THEMIS: variants seen among roughly 807,000 people sequenced by gnomAD.
THEMIS encodes the protein thymocyte selection associated.
Under a neutral mutation model 52.6 loss-of-function variants are expected in THEMIS, and 37 were observed. The observed-to-expected ratio is 0.70, with a 90% CI of 0.54 to 0.93. THEMIS has a LOEUF of 0.93. Among genes scored for constraint, THEMIS ranks in the 40% least tolerant of loss-of-function variants. The probability of loss-of-function intolerance (pLI) is 0.00; values close to 1 mark genes in which losing one functional copy is unlikely to be tolerated. For synonymous variants in THEMIS, 292 were observed against 272.7 expected (o/e 1.07, Z -0.70); for missense variants, 808 against 763.1 (o/e 1.06, Z -0.69).
the THEMIS span, among the ~76,000 whole-genome samples, chr6:127,697,806 G>T: frequency 2.0e-5 from 3 of 152,026 alleles, no homozygotes; most frequent in Admixed American, 6.6e-5. Context: ...GCCACTTCTA[G>T]AGCCCCTTTC....
At position 127,758,296 on chromosome 6, in the gene THEMIS, T is replaced by G. The variant is rs548996405; in HGVS notation, c.1759-38473A>C. Among the ~76,000 whole-genome samples the G allele has an allele frequency of 3.3e-4, 49 of 150,534 alleles. No individual in the cohort carries two copies. The South Asian group carries it at 8.3e-3, about 26-fold the overall frequency. On this transcript the variant is annotated intron_variant, in intron 4 of 5. Transcript: ENST00000368248. ...CCCAAAAGAGGAAATACATAATCAATTTCTACACTTAAACCCACAAACGGA... is the reference window on the plus strand; with the variant it reads ...CCCAAAAGAGGAAATACATAATCAAGTTCTACACTTAAACCCACAAACGGA...
At chr6:127,750,747 G>A (rs1328891640) in intron 4 of THEMIS, among the ~76,000 whole-genome samples, 1 of 151,758 alleles carries the variant, frequency 6.6e-6, no homozygotes, top group East Asian at 1.9e-4. Context: ...GAAAATCCTT[G>A]TGACATATAA....
At chr6:127,901,793 T>C (rs567911999), upstream of THEMIS, among the ~76,000 whole-genome samples, 1 of 152,184 alleles carries the variant, frequency 6.6e-6, no homozygotes. Flanking sequence ...GGAGATGAAG[T>C]AGAAGAGTCC....
rs151204295 is a variant in THEMIS, at chr6:127,734,200, T to C, written c.1759-14377A>G. 1.6e-3 allele frequency among the ~76,000 whole-genome samples: 249 copies of C among 152,338 alleles called. 2 individuals carry two copies. Among genetic ancestry groups the C allele is most frequent in the African/African-American group, 5.8e-3 (242 of 41,594 alleles). On this transcript the variant is annotated intron_variant, in intron 4 of 5. Coordinates refer to ENST00000368248, the MANE Select transcript of THEMIS (RefSeq NM_001010923.3). ...ATTATGTAGATCCTGATTGAGACTGTAAGAAAACATTTATGAGACAACCAT... is the reference window on the plus strand; with the variant it reads ...ATTATGTAGATCCTGATTGAGACTGCAAGAAAACATTTATGAGACAACCAT...
intron 4 of THEMIS, among the ~76,000 whole-genome samples, chr6:127,735,319 G>A (rs753840980): frequency 2.1e-5 from 3 of 144,454 alleles, no homozygotes; most frequent in South Asian, 4.2e-4. Flanking sequence ...GCGTGTGTGC[G>A]TGTGTGTGTG....
chr6:127,836,140 C>T (rs1253365484), intron 2 of THEMIS, among the ~76,000 whole-genome samples: 1 of 151,956 alleles, frequency 6.6e-6, no homozygotes, highest in Non-Finnish European at 1.5e-5. Flanking sequence ...GAGGACTATA[C>T]CCTCCCTCTA....
At position 127,710,034 on chromosome 6, in the gene THEMIS, AG is replaced by A; in HGVS notation, c.1895-19del. ...GAATGTTTCTATAAATAAAAAAAGA[AG>A]GGTTTATCAGAAATAAGTATTGAAA... On this transcript the variant is annotated intron_variant, in intron 5 of 5. Coordinates refer to ENST00000368248, the MANE Select transcript of THEMIS (RefSeq NM_001010923.3). 1 of 1,521,834 alleles carries A rather than the reference AG, an allele frequency of 6.6e-7. No homozygotes were observed. Among genetic ancestry groups the A allele is most frequent in the East Asian group, 2.3e-5 (1 of 43,310 alleles). 94.3% of individuals were successfully genotyped at this position (1,521,834 alleles called of 1,614,324 possible).
chr6:127,842,130 G>A (rs997810431), intron 2 of THEMIS, among the ~76,000 whole-genome samples: 3 of 151,874 alleles, frequency 2.0e-5, no homozygotes, highest in Non-Finnish European at 1.5e-5. Context: ...GCTAGCAAAT[G>A]TATATATTTT....
chr6:127,722,028 A>T (rs1274657683), intron 4 of THEMIS, among the ~76,000 whole-genome samples: 1 of 152,064 alleles, frequency 6.6e-6, no homozygotes, highest in Non-Finnish European at 1.5e-5. Flanking sequence ...AACCTGAGAG[A>T]GAAAATAGCC....
chr6:127,755,883 C>T (rs146193117), intron 4 of THEMIS, among the ~76,000 whole-genome samples: 1,952 of 151,742 alleles, frequency 0.013, 165 homozygotes, highest in Admixed American at 0.11. Context: ...AAAAATTAGC[C>T]CAGCATGGTG....
chr6:127,911,808 T>C (rs563398185), intron 1 of THEMIS, among the ~76,000 whole-genome samples: 1 of 151,462 alleles, frequency 6.6e-6, no homozygotes, highest in Non-Finnish European at 1.5e-5. Flanking sequence ...GCTAGGGCAG[T>C]GCAGAAGGGA....
chr6:127,746,416 C>G (rs80245036), intron 4 of THEMIS, among the ~76,000 whole-genome samples: 10,514 of 151,398 alleles, frequency 0.069, 371 homozygotes, highest in Non-Finnish European at 0.085. Flanking sequence ...CCTATAGTAT[C>G]TAGCACAGTG....
chr6:127,698,732 T>C, the THEMIS span, among the ~76,000 whole-genome samples: 1 of 151,960 alleles, frequency 6.6e-6, no homozygotes, highest in Non-Finnish European at 1.5e-5. Context: ...AAATTCCTAA[T>C]GGGTAGAAGT....
At chr6:127,827,779 T>G (rs370097893) in intron 3 of THEMIS, among the ~76,000 whole-genome samples, 71 of 152,236 alleles carry the variant, frequency 4.7e-4, no homozygotes, top group African/African-American at 1.6e-3. Flanking sequence ...CTGTATAAAT[T>G]TCCTGTACCC....
At position 127,719,832 on chromosome 6, in the gene THEMIS, A is replaced by G; in HGVS notation, c.1759-9T>C. The G allele has an allele frequency of 6.2e-7, 1 of 1,610,618 alleles. No homozygotes were observed. Among genetic ancestry groups the G allele is most frequent in the Non-Finnish European group, 8.5e-7 (1 of 1,178,156 alleles). ...ATGTCTACGTGATGACGCTGAAATG[A>G]CACAGGTCACAAGTAAATTATCAGT... On this transcript the variant is annotated splice_polypyrimidine_tract_variant and intron_variant, in intron 4 of 5. Transcript: ENST00000368248.
intron 5 of THEMIS, among the ~76,000 whole-genome samples, chr6:127,716,783 A>C (rs1345569253): frequency 6.6e-6 from 1 of 151,972 alleles, no homozygotes; most frequent in Admixed American, 6.6e-5. Flanking sequence ...TAAACATTGA[A>C]GCCCTGTGTT....
At position 127,813,510 on chromosome 6, in the gene THEMIS, A is replaced by G; in HGVS notation, c.1131T>C (p.His377=). 2 of 1,613,742 alleles carry G rather than the reference A, an allele frequency of 1.2e-6. No individual in the cohort carries two copies. Among genetic ancestry groups the G allele is most frequent in the Admixed American group, 1.7e-5 (1 of 59,930 alleles). Residue 377 remains histidine (H), a synonymous_variant, in exon 4 of 6, where the codon CAT becomes CAC. Coordinates refer to ENST00000368248, the MANE Select transcript of THEMIS (RefSeq NM_001010923.3). ...VVATKAFHSP[H]DKLSSVSVGD... ...CAACAGATACGGATGACAGCTTGTC[A>G]TGAGGGGAATGAAACGCTTTGGTGG...
chr6:127,813,657 AG>A lies in THEMIS; in HGVS notation c.983del (p.Pro328LeufsTer6), dbSNP rs775839853. On this transcript the variant is annotated frameshift_variant, in exon 4 of 6. Transcript: ENST00000368248. LOFTEE classifies it high-confidence loss of function. Reference sequence around the variant, plus strand: ...TAGTGGGGATCAAGAAGTGTCTTTTAGGAAAATTGCTTCTAATTTCTGAAGC... The same window carrying A: ...TAGTGGGGATCAAGAAGTGTCTTTTAGAAAATTGCTTCTAATTTCTGAAGC... ...ILASEIRSNF[P>X]KRHFLIPTSY... 1 of 1,614,124 alleles carries A rather than the reference AG, an allele frequency of 6.2e-7. No individual in the cohort carries two copies. Among genetic ancestry groups the A allele is most frequent in the Non-Finnish European group, 8.5e-7 (1 of 1,179,994 alleles).
At chr6:127,856,568 C>A (rs938896852) in intron 1 of THEMIS, among the ~76,000 whole-genome samples, 1 of 151,920 alleles carries the variant, frequency 6.6e-6, no homozygotes, top group Non-Finnish European at 1.5e-5. Flanking sequence ...GTATGAAAAT[C>A]CAGCACACCC....
Sources: gnomAD v4.1 joint callset for allele counts (sites outside exome capture counted in the v4.1 genomes callset) on GRCh38, gnomAD v4.1.1 for gene constraint, MANE v1.5 for transcripts, NCBI Gene and HGNC (gene_info 2026-07-23, HGNC 2026-07-21) for gene names.